Variants in WNK2 observed in about 807,000 individuals in gnomAD.
WNK2 encodes the protein WNK lysine deficient protein kinase 2.
A neutral mutation model predicts 192.1 loss-of-function variants in WNK2; 67 were observed. The ratio of observed to expected loss-of-function variants is 0.35; its 90% confidence interval spans 0.29 to 0.43. WNK2 has a LOEUF of 0.43. WNK2 is among the 20% of genes least tolerant of loss of function. The pLI, the probability that WNK2 is intolerant of heterozygous loss-of-function variation, is 1.00. For missense variants in WNK2, 2,698 were observed against 3,089.7 expected (o/e 0.87, Z 3.01); for synonymous variants, 1,439 against 1,393.9 (o/e 1.03, Z -0.72).
At position 93,184,265 on chromosome 9, in the gene WNK2, A is replaced by C. The variant is rs1460399224; in HGVS notation, c.-123A>C. On this transcript the variant is annotated 5_prime_UTR_variant, in exon 1 of 30. Coordinates refer to ENST00000427277, the MANE Select transcript of WNK2 (RefSeq NM_006648.4). The stretch of plus-strand genomic sequence containing the variant: ...AGCGCGCAGGAGCTGGAGCGGCGCC[A>C]CGGCCCCCACCCCAGCGCGGACCTC... 3.3e-5 allele frequency among the ~76,000 whole-genome samples: 5 copies of C among 150,204 alleles called. No homozygotes were observed. Among genetic ancestry groups the C allele is most frequent in the Non-Finnish European group, 7.4e-5 (5 of 67,460 alleles).
chr9:93,259,046 ATTTCTC>A lies in WNK2; in HGVS notation c.2500_2505del (p.Phe834_Ser835del). On this transcript the variant is annotated inframe_deletion, in exon 12 of 30. Transcript: ENST00000427277. The surrounding 1 kb of genome is among the most constrained non-coding windows in gnomAD (Gnocchi z 4.8). Reference sequence around the variant, plus strand: ...GTGCCTCCCGTGCCACCACCTCAGTATTTCTCTCCAGCCGTGATCTTGCCGAGCCTC... The same window carrying A: ...GTGCCTCCCGTGCCACCACCTCAGTATCCAGCCGTGATCTTGCCGAGCCTC... The A allele has an allele frequency of 6.2e-7, 1 of 1,611,818 alleles. No individual in the cohort carries two copies. Among genetic ancestry groups the A allele is most frequent in the Non-Finnish European group, 8.5e-7 (1 of 1,179,530 alleles).
At chr9:93,195,039 T>G (rs1444530870) in intron 2 of WNK2, among the ~76,000 whole-genome samples, 11 of 147,242 alleles carry the variant, frequency 7.5e-5, no homozygotes, top group Non-Finnish European at 1.0e-4. Context: ...AAAAAAAAAG[T>G]TCAGTGGTTG....
At chr9:93,236,868 C>T (rs766321490) in intron 5 of WNK2, among the ~76,000 whole-genome samples, 1 of 152,250 alleles carries the variant, frequency 6.6e-6, no homozygotes, top group African/African-American at 2.4e-5. Flanking sequence ...CGCATCATGG[C>T]GCTGCCTCTA....
intron 20 of WNK2, 139 bp from the exon 21 acceptor site, chr9:93,289,839 C>T: frequency 1.1e-6 from 1 of 922,186 alleles, no homozygotes; most frequent in Non-Finnish European, 1.6e-6. Flanking sequence ...TCAGGTGACT[C>T]AGCCCCATCC....
At chr9:93,253,125 A>C in intron 9 of WNK2, 43 bp downstream of exon 9, 1 of 1,344,264 alleles carries the variant, frequency 7.4e-7, no homozygotes, top group Non-Finnish European at 9.6e-7. Flanking sequence ...CATCCCCATT[A>C]CCTGGTCTGA....
At position 93,196,426 on chromosome 9, in the gene WNK2, G is replaced by A. The variant is rs951530829; in HGVS notation, c.681+10816G>A. ...TCAGCAACATCAGCTGGGACATGGG[G>A]TTTTCTCTCTGTTTCTTCTGTCCTC... On this transcript the variant is annotated intron_variant, in intron 2 of 29. Coordinates refer to ENST00000427277, the MANE Select transcript of WNK2 (RefSeq NM_006648.4). Among the ~76,000 whole-genome samples the A allele has an allele frequency of 2.0e-5, 3 of 152,174 alleles. No individual in the cohort carries two copies. The East Asian group carries it at 5.8e-4, about 29-fold the overall frequency.
intron 2 of WNK2, among the ~76,000 whole-genome samples, chr9:93,213,590 G>C (rs1048571807): frequency 6.6e-6 from 1 of 152,198 alleles, no homozygotes; most frequent in African/African-American, 2.4e-5. Context: ...GGGAGTTAAA[G>C]ACCAGCCCAA....
At chr9:93,225,914 ATGTTGTGTTGTGTTG>A (rs35020803) in intron 2 of WNK2, among the ~76,000 whole-genome samples, 23 of 150,970 alleles carry the variant, frequency 1.5e-4, no homozygotes, top group Admixed American at 3.3e-4. Context: ...CTGTTGTGTT[ATGTTGTGTTGTGTTG>A]TGTTGTGTTG....
Position 93,227,749 on chromosome 9 carries a change from C to T in WNK2, c.682-1947C>T, listed in dbSNP as rs1264290456. ...CTTCTGGGCTCCAGCCATCCTCTGCCTCAGCCTCCCGAGTAGCTGGGACTA... is the reference window on the plus strand; with the variant it reads ...CTTCTGGGCTCCAGCCATCCTCTGCTTCAGCCTCCCGAGTAGCTGGGACTA... On this transcript the variant is annotated intron_variant, in intron 2 of 29. Coordinates refer to ENST00000427277, the MANE Select transcript of WNK2 (RefSeq NM_006648.4). Among the ~76,000 whole-genome samples, 5 of 152,054 alleles carry T rather than the reference C, an allele frequency of 3.3e-5. No individual in the cohort carries two copies. In the South Asian group the frequency reaches 1.0e-3, roughly 32 times the overall value.
chr9:93,295,803 C>T (rs1281128928), intron 23 of WNK2, among the ~76,000 whole-genome samples: 1 of 145,644 alleles, frequency 6.9e-6, no homozygotes, highest in Admixed American at 6.8e-5. Context: ...TCTCCAGCTT[C>T]CCCTCACTTT....
intron 5 of WNK2, among the ~76,000 whole-genome samples, chr9:93,236,242 G>A (rs1238337245): frequency 2.0e-5 from 3 of 152,096 alleles, no homozygotes; most frequent in Non-Finnish European, 4.4e-5. Flanking sequence ...TGTGGAGGGT[G>A]GATGGTGGTC....
At chr9:93,213,794 A>G (rs541427714) in intron 2 of WNK2, among the ~76,000 whole-genome samples, 1 of 141,464 alleles carries the variant, frequency 7.1e-6, no homozygotes, top group Non-Finnish European at 1.5e-5. Flanking sequence ...CATCTCAAAA[A>G]CAAAACAAAA....
intron 26 of WNK2, 196 bp downstream of exon 26, chr9:93,300,345 C>A: frequency 1.9e-6 from 1 of 540,242 alleles, no homozygotes; most frequent in South Asian, 2.2e-5. Context: ...TACCCCCAAG[C>A]CCCACACAGC....
intron 19 of WNK2, among the ~76,000 whole-genome samples, chr9:93,280,542 C>T (rs573789973): frequency 5.9e-5 from 9 of 152,194 alleles, no homozygotes; most frequent in Non-Finnish European, 1.3e-4. Flanking sequence ...TGCCTATACA[C>T]TGCAAAGGAA....
At chr9:93,237,192 G>A (rs1279873339) in intron 5 of WNK2, among the ~76,000 whole-genome samples, 1 of 152,130 alleles carries the variant, frequency 6.6e-6, no homozygotes, top group South Asian at 2.1e-4. Context: ...GCTTTATCTC[G>A]CTTCATCTAT....
In WNK2 at chr9:93,244,971, C is replaced by T. The variant is rs138240942; in HGVS notation, c.1543-2572C>T. On this transcript the variant is annotated intron_variant, in intron 7 of 29. Coordinates refer to ENST00000427277, the MANE Select transcript of WNK2 (RefSeq NM_006648.4). ...GGCCAGCGGCAACCCTGAGTGTAGA[C>T]GGGTCCCACTGACTGAGCCGTAAGC... Among the ~76,000 whole-genome samples the T allele has an allele frequency of 6.1e-3, 922 of 152,158 alleles. 7 individuals are homozygous for T. The highest frequency in any genetic ancestry group is 0.021 in the African/African-American group (869 of 41,516).
At chr9:93,298,133 T>C (rs1344332473) in intron 24 of WNK2, 66 bp downstream of exon 24, 54 of 1,504,366 alleles carry the variant, frequency 3.6e-5, no homozygotes, top group Non-Finnish European at 4.8e-5. Flanking sequence ...GCCTGGGAGG[T>C]AGGCTCCGTG....
At position 93,259,266 on chromosome 9, in the gene WNK2, C is replaced by G. The variant is rs111932603; in HGVS notation, c.2718C>G (p.Leu906=). 208 of 1,613,584 alleles carry G rather than the reference C, an allele frequency of 1.3e-4. No homozygotes were observed. In the African/African-American group the frequency reaches 2.2e-3, roughly 17 times the overall value. Residue 906 remains leucine (L), a synonymous_variant, in exon 12 of 30, where the codon CTC becomes CTG. Transcript: ENST00000427277. This position sits in a 1 kb window ranked among gnomAD's most constrained non-coding sequence, Gnocchi z 4.8. The part of the protein sequence containing the change: ...ALSIHSAVAQ[L]PGQPVYPAAF... ...CCATTCATTCTGCCGTGGCCCAGCT[C>G]CCAGGCCAACCTGTGTACCCAGCGG... is the stretch of plus-strand genomic sequence containing the variant.
intron 8 of WNK2, among the ~76,000 whole-genome samples, chr9:93,249,158 C>G (rs565283538): frequency 9.8e-5 from 15 of 152,316 alleles, no homozygotes; most frequent in African/African-American, 3.6e-4. Context: ...AGAAGAAATT[C>G]TTCACATCTG....
Sources: allele counts gnomAD v4.1 joint callset (sites outside exome capture counted in the v4.1 genomes callset), GRCh38; gene constraint gnomAD v4.1.1; non-coding constraint Gnocchi (gnomAD v3.1); transcripts MANE v1.5; gene names NCBI Gene and HGNC (gene_info 2026-07-23, HGNC 2026-07-21).